The following SLC24A2 variants were observed in gnomAD, a reference collection of about 807,000 sequenced individuals.
SLC24A2 encodes sodium/potassium/calcium exchanger 2.
In SLC24A2, 36 loss-of-function variants were observed where a neutral mutation model predicts 62.0. The ratio of observed to expected loss-of-function variants is 0.58; its 90% CI spans 0.44 to 0.77. The LOEUF is 0.77. Ranked by LOEUF, SLC24A2 falls within the 30% of genes least tolerant of loss-of-function variation. The pLI is 0.00. For missense variants in SLC24A2, 846 were observed against 817.9 expected (o/e 1.03, Z -0.42); for synonymous variants, 358 against 294.0 (o/e 1.22, Z -2.23).
chr9:19,657,643 T>C (rs908271619), intron 2 of SLC24A2, among the ~76,000 whole-genome samples: 3 of 152,134 alleles, frequency 2.0e-5, no homozygotes, highest in Non-Finnish European at 4.4e-5. Context: ...CCCCAAATCC[T>C]GCTTTTTCAA....
At chr9:20,138,873 A>T in the SLC24A2 span, among the ~76,000 whole-genome samples, 1 of 152,228 alleles carries the variant, frequency 6.6e-6, no homozygotes, top group Non-Finnish European at 1.5e-5. Context: ...TTTCGCTCCC[A>T]GGCGAAGGCC....
the SLC24A2 span, among the ~76,000 whole-genome samples, chr9:20,100,222 T>G: frequency 6.6e-6 from 1 of 151,782 alleles, no homozygotes; most frequent in Non-Finnish European, 1.5e-5. Context: ...TGTTTTTTTG[T>G]TTTGTTTTGT....
the SLC24A2 span, among the ~76,000 whole-genome samples, chr9:19,879,369 T>C: frequency 1.3e-5 from 2 of 152,116 alleles, no homozygotes; most frequent in African/African-American, 2.4e-5. Context: ...TCATGGTAGG[T>C]TGGGATTGCT....
At chr9:20,094,647 T>C in the SLC24A2 span, among the ~76,000 whole-genome samples, 2 of 152,152 alleles carry the variant, frequency 1.3e-5, no homozygotes, top group Non-Finnish European at 2.9e-5. Flanking sequence ...ACAGTTCTAG[T>C]TTCACCTTAC....
chr9:19,801,545 A>C, the SLC24A2 span, among the ~76,000 whole-genome samples: 6 of 152,222 alleles, frequency 3.9e-5, no homozygotes, highest in Non-Finnish European at 8.8e-5. Context: ...AAGGGAGGGG[A>C]ACCAAAGAGG....
At chr9:19,648,052 A>G (rs750935363) in intron 2 of SLC24A2, among the ~76,000 whole-genome samples, 1 of 152,202 alleles carries the variant, frequency 6.6e-6, no homozygotes, top group African/African-American at 2.4e-5. Context: ...AGCCTTATTC[A>G]CTAGTTCTCA....
intron 2 of SLC24A2, among the ~76,000 whole-genome samples, chr9:19,784,037 G>A (rs1380953612): frequency 6.6e-6 from 1 of 152,052 alleles, no homozygotes; most frequent in Non-Finnish European, 1.5e-5. Flanking sequence ...ACAATATTAA[G>A]TATAGCACAA....
At chr9:20,072,688 A>C in the SLC24A2 span, among the ~76,000 whole-genome samples, 25,536 of 151,730 alleles carry the variant, frequency 0.17, 3,615 homozygotes, top group East Asian at 0.65. Context: ...ATGCAGGAGG[A>C]GTCAGAGTCA....
At chr9:20,249,704 CAAAA>C in the SLC24A2 span, among the ~76,000 whole-genome samples, 1 of 76,548 alleles carries the variant, frequency 1.3e-5, no homozygotes, top group African/African-American at 4.6e-5. Flanking sequence ...AACTCTGTCT[CAAAA>C]AAAAAAAAAA....
chr9:19,999,494 A>G, the SLC24A2 span, among the ~76,000 whole-genome samples: 1 of 152,244 alleles, frequency 6.6e-6, no homozygotes, highest in East Asian at 1.9e-4. Context: ...AGCAACTCAT[A>G]GTAACTAATG....
At chr9:19,518,487 T>C (rs971081871) in intron 10 of SLC24A2, among the ~76,000 whole-genome samples, 4 of 151,514 alleles carry the variant, frequency 2.6e-5, no homozygotes, top group African/African-American at 7.3e-5. Context: ...AGTGGCGTGA[T>C]CTTGGTTCAC....
Position 19,508,085 on chromosome 9 carries a change from G to C in SLC24A2, c.*8068C>G, listed in dbSNP as rs1232909609. ...TCACTGAATCAGGAAGGTAGCTTTT[G>C]CTATTCTTAGCTTTGATGGCTTTTT... On this transcript the variant is annotated 3_prime_UTR_variant, in exon 11 of 11. Transcript: ENST00000341998. 1 of 152,194 alleles carries C rather than the reference G, an allele frequency of 6.6e-6. No individual in the cohort carries two copies. The highest frequency in any genetic ancestry group is 1.5e-5 in the Non-Finnish European group (1 of 68,036). 9.4% of individuals were successfully genotyped at this position (152,194 alleles called of 1,614,324 possible). A position where few individuals can be genotyped will look rare whatever the true frequency, so the allele number is the denominator to read the frequency against.
intron 2 of SLC24A2, among the ~76,000 whole-genome samples, chr9:19,766,520 T>C (rs561067076): frequency 6.6e-6 from 1 of 152,346 alleles, no homozygotes; most frequent in Non-Finnish European, 1.5e-5. Context: ...ATGCTATTGC[T>C]TTCTGTTTGT....
At chr9:20,161,051 A>G in the SLC24A2 span, among the ~76,000 whole-genome samples, 5 of 151,538 alleles carry the variant, frequency 3.3e-5, no homozygotes, top group South Asian at 1.0e-3. Context: ...ACTTGGAGGA[A>G]TTACCTCTTG....
the SLC24A2 span, chr9:19,957,940 T>C: frequency 6.5e-6 from 1 of 153,312 alleles, no homozygotes; most frequent in African/African-American, 2.4e-5. Context: ...AAATACTGAA[T>C]GCTGTCCTGT....
chr9:20,187,160 C>G, the SLC24A2 span, among the ~76,000 whole-genome samples: 1 of 152,298 alleles, frequency 6.6e-6, no homozygotes, highest in African/African-American at 2.4e-5. Context: ...CCAGTGGTGT[C>G]AGAACCTGGC....
the SLC24A2 span, among the ~76,000 whole-genome samples, chr9:19,864,349 C>A: frequency 6.6e-6 from 1 of 151,042 alleles, no homozygotes; most frequent in Non-Finnish European, 1.5e-5. Flanking sequence ...CCCTGATACC[C>A]AAACAAGACA....
chr9:19,697,190 T>C (rs1056784734), intron 2 of SLC24A2, among the ~76,000 whole-genome samples: 5 of 152,328 alleles, frequency 3.3e-5, no homozygotes, highest in South Asian at 2.1e-4. Context: ...GCTATTGAAA[T>C]TGAAATAATG....
the SLC24A2 span, among the ~76,000 whole-genome samples, chr9:19,868,895 A>G: frequency 6.6e-6 from 1 of 150,572 alleles, no homozygotes; most frequent in Admixed American, 6.6e-5. Context: ...TCAAAGTTGA[A>G]TTTTCTTTTT....
Sources: allele counts gnomAD v4.1 joint callset (sites outside exome capture counted in the v4.1 genomes callset), GRCh38; gene constraint gnomAD v4.1.1; transcripts MANE v1.5; gene names NCBI Gene and HGNC (gene_info 2026-07-23, HGNC 2026-07-21).